Variants in ZBTB38 observed in about 807,000 individuals in gnomAD.
The protein encoded by ZBTB38 is zinc finger and BTB domain containing 38, also known as zinc finger and BTB domain-containing protein 38.
In ZBTB38, 20 loss-of-function variants were observed where a neutral mutation model predicts 76.8. The ratio of observed to expected loss-of-function variants is 0.26; its 90% CI spans 0.18 to 0.38. ZBTB38 has a LOEUF of 0.38. Among genes scored for constraint, ZBTB38 ranks in the 10% least tolerant of loss-of-function variants. ZBTB38 has a pLI of 1.00. For missense variants in ZBTB38, 1,082 were observed against 1,482.3 expected (o/e 0.73, Z 4.43); for synonymous variants, 504 against 544.2 (o/e 0.93, Z 1.03).
At chr3:141,365,150 A>G (rs932323363), upstream of ZBTB38, among the ~76,000 whole-genome samples, 22 of 152,242 alleles carry the variant, frequency 1.4e-4, no homozygotes, top group African/African-American at 5.1e-4. Context: ...GTGTTCATCA[A>G]CTGAGATTTG....
chr3:141,350,515 T>G (rs1043924468), intron 1 of ZBTB38, among the ~76,000 whole-genome samples: 2 of 152,174 alleles, frequency 1.3e-5, no homozygotes, highest in African/African-American at 4.8e-5. Flanking sequence ...CTCACCTACT[T>G]CAATTTGGAC....
At chr3:141,400,317 G>C (rs889991891) in intron 4 of ZBTB38, among the ~76,000 whole-genome samples, 1 of 152,108 alleles carries the variant, frequency 6.6e-6, no homozygotes, top group African/African-American at 2.4e-5. Context: ...GCCACTTCTG[G>C]AGAAACATTT....
intron 5 of ZBTB38, among the ~76,000 whole-genome samples, chr3:141,436,416 C>T (rs2078795210): frequency 6.6e-6 from 1 of 152,166 alleles, no homozygotes; most frequent in East Asian, 1.9e-4. Context: ...GTTGGGGACA[C>T]AGCCACTTGG....
rs1038606535 is a variant in ZBTB38, at chr3:141,422,764, C to T, written c.-1+18733C>T. Among the ~76,000 whole-genome samples the T allele has an allele frequency of 4.6e-5, 7 of 151,976 alleles. No homozygotes were observed. In the East Asian group the frequency reaches 1.2e-3, roughly 25 times the overall value. On this transcript the variant is annotated intron_variant, in intron 5 of 5. Coordinates refer to ENST00000321464, the MANE Select transcript of ZBTB38 (RefSeq NM_001376113.1). The stretch of plus-strand genomic sequence containing the variant: ...TATCCTTAATGGGCATGCAGGGCTC[C>T]CCAAAACAATATAGTCACTTAATTT...
Position 141,444,241 on chromosome 3 carries a change from T to A in ZBTB38, c.1853T>A (p.Phe618Tyr). 1.2e-6 allele frequency: 2 copies of A among 1,614,180 alleles called. No individual in the cohort carries two copies. Among genetic ancestry groups the A allele is most frequent in the Non-Finnish European group, 1.7e-6 (2 of 1,180,024 alleles). ...PHSSELPTLN[F>Y]QDTVNTLTNS... ...AGCTCTGAATTACCAACGCTGAATT[T>A]CCAAGATACTGTAAACACCCTGACC... is the stretch of plus-strand genomic sequence containing the variant. The change falls in exon 6 of 6, where the codon TTC becomes TAC. Residue 618 changes from phenylalanine to tyrosine, a missense_variant. Physicochemically the swap from Phe to Tyr is conservative, Grantham distance 22 (BLOSUM62 3). Transcript: ENST00000321464. The surrounding 1 kb of genome is among the most constrained non-coding windows in gnomAD (Gnocchi z 5.1).
At chr3:141,408,358 C>G (rs754447270) in intron 5 of ZBTB38, among the ~76,000 whole-genome samples, 1 of 152,188 alleles carries the variant, frequency 6.6e-6, no homozygotes, top group Non-Finnish European at 1.5e-5. Flanking sequence ...ACCAGCCTGG[C>G]CAACGTGGCA....
At chr3:141,419,417 G>GT (rs1193055591) in intron 5 of ZBTB38, among the ~76,000 whole-genome samples, 5 of 152,144 alleles carry the variant, frequency 3.3e-5, no homozygotes, top group African/African-American at 1.2e-4. Flanking sequence ...AAGCACAACT[G>GT]TTAAGCATAC....
chr3:141,421,050 A>T (rs1456716918), intron 5 of ZBTB38, among the ~76,000 whole-genome samples: 1 of 152,052 alleles, frequency 6.6e-6, no homozygotes, highest in Non-Finnish European at 1.5e-5. Flanking sequence ...TATTATAAAT[A>T]AAATCAATTA....
intron 5 of ZBTB38, chr3:141,438,223 T>C (rs1222839552): frequency 6.7e-6 from 1 of 149,766 alleles, no homozygotes; most frequent in Admixed American, 6.6e-5. Context: ...TTTTTTTTTT[T>C]TCTTTTTTCT....
intron 1 of ZBTB38, among the ~76,000 whole-genome samples, chr3:141,332,814 A>G (rs1372378874): frequency 6.6e-6 from 1 of 152,202 alleles, no homozygotes; most frequent in Non-Finnish European, 1.5e-5. Context: ...TTCTGTGCTG[A>G]AAATTTGAAA....
intron 4 of ZBTB38, among the ~76,000 whole-genome samples, chr3:141,401,468 T>C (rs1951918302): frequency 1.3e-5 from 2 of 152,246 alleles, no homozygotes; most frequent in Admixed American, 1.3e-4. Flanking sequence ...GTTGGCTTTA[T>C]ATTTAATATT....
chr3:141,430,620 A>G (rs2077285626), intron 5 of ZBTB38, among the ~76,000 whole-genome samples: 1 of 152,212 alleles, frequency 6.6e-6, no homozygotes. Flanking sequence ...ACTGTCTTGC[A>G]GGAGAACCCA....
Position 141,443,114 on chromosome 3 carries a change from C to A in ZBTB38, c.726C>A (p.Gly242=). The A allele has an allele frequency of 6.2e-7, 1 of 1,614,196 alleles. No homozygotes were observed. The highest frequency in any genetic ancestry group is 8.5e-7 in the Non-Finnish European group (1 of 1,180,032). The change falls in exon 6 of 6, where the codon GGC becomes GGA. Residue 242 remains glycine (G), a synonymous_variant. Coordinates refer to ENST00000321464, the MANE Select transcript of ZBTB38 (RefSeq NM_001376113.1). The surrounding 1 kb of genome is among the most constrained non-coding windows in gnomAD (Gnocchi z 5.6). ...YRSQPVREHD[G]SSPGNTGKEN... ...GTCAGCCTGTACGTGAACATGATGG[C>A]AGTTCACCTGGTAACACAGGGAAAG... is the stretch of plus-strand genomic sequence containing the variant.
intron 1 of ZBTB38, among the ~76,000 whole-genome samples, chr3:141,329,954 C>A (rs1210527590): frequency 6.6e-6 from 1 of 151,606 alleles, no homozygotes; most frequent in Non-Finnish European, 1.5e-5. Flanking sequence ...CATAGTGAGA[C>A]CTTGCCTCTA....
chr3:141,355,810 C>T (rs1448975299), intron 1 of ZBTB38, among the ~76,000 whole-genome samples: 1 of 152,134 alleles, frequency 6.6e-6, no homozygotes, highest in Non-Finnish European at 1.5e-5. Context: ...CTTAATCAGT[C>T]TGGATTTCAA....
chr3:141,377,685 A>T (rs1945584325), intron 2 of ZBTB38, among the ~76,000 whole-genome samples: 1 of 152,260 alleles, frequency 6.6e-6, no homozygotes, highest in African/African-American at 2.4e-5. Flanking sequence ...TGTAATACCT[A>T]AAAACTGGAA....
intron 1 of ZBTB38, among the ~76,000 whole-genome samples, chr3:141,350,940 G>A (rs13092660): frequency 0.95 from 145,086 of 152,350 alleles, 69,138 homozygotes; most frequent in East Asian, 1. Context: ...AGAAATGTCT[G>A]AAAAGGTAAG....
chr3:141,411,336 T>G (rs1435213157), intron 5 of ZBTB38, among the ~76,000 whole-genome samples: 1 of 152,258 alleles, frequency 6.6e-6, no homozygotes, highest in Non-Finnish European at 1.5e-5. Context: ...CATTCTGATC[T>G]GTCCCTGCTT....
chr3:141,436,191 A>G (rs993273009), intron 5 of ZBTB38, among the ~76,000 whole-genome samples: 8 of 152,186 alleles, frequency 5.3e-5, no homozygotes, highest in African/African-American at 1.9e-4. Context: ...TTTGGTGAAA[A>G]TGACTGTCCC....
Sources: allele counts gnomAD v4.1 joint callset (sites outside exome capture counted in the v4.1 genomes callset), GRCh38; gene constraint gnomAD v4.1.1; non-coding constraint Gnocchi (gnomAD v3.1); transcripts MANE v1.5; gene names NCBI Gene and HGNC (gene_info 2026-07-23, HGNC 2026-07-21).